C5orf52: variants seen among roughly 807,000 people sequenced by gnomAD.
The protein encoded by C5orf52 is chromosome 5 open reading frame 52, also known as uncharacterized protein C5orf52.
A neutral mutation model predicts 16.8 loss-of-function variants in C5orf52; 15 were observed. That is an observed-to-expected ratio of 0.89 (90% CI 0.60 to 1.38). C5orf52 has a LOEUF of 1.38. Ranked by LOEUF, C5orf52 falls within the 40% of genes most tolerant of loss-of-function variation. The pLI, the probability that C5orf52 is intolerant of heterozygous loss-of-function variation, is 0.00. For missense variants in C5orf52, 206 were observed against 213.1 expected, an observed-to-expected ratio of 0.97 and a Z score of 0.21; for synonymous variants, 83 against 87.2, an observed-to-expected ratio of 0.95 and a Z score of 0.27.
intron 1 of C5orf52, among the ~76,000 whole-genome samples, chr5:157,673,199 C>T (rs563466242): frequency 7.7e-4 from 117 of 151,848 alleles, no homozygotes; most frequent in African/African-American, 2.8e-3. Context: ...ATTAGCCGGG[C>T]ATGGTGGCTG....
chr5:157,679,794 C>T, intron 2 of C5orf52, 47 bp from the exon 3 acceptor site: 1 of 1,509,920 alleles, frequency 6.6e-7, no homozygotes, highest in Non-Finnish European at 8.9e-7. Flanking sequence ...ATCCTAATCT[C>T]ACCTCTTTAG....
intron 2 of C5orf52, among the ~76,000 whole-genome samples, chr5:157,677,778 G>C (rs1015576275): frequency 1.3e-5 from 2 of 152,070 alleles, no homozygotes; most frequent in African/African-American, 4.8e-5. Context: ...GAGGTCGGGA[G>C]TTTGAGACCA....
intron 1 of C5orf52, 76 bp from the exon 2 acceptor site, chr5:157,675,016 C>A: frequency 1.1e-6 from 1 of 914,226 alleles, no homozygotes; most frequent in Non-Finnish European, 1.7e-6. Flanking sequence ...GCCACTCCCT[C>A]AGGACCCCAT....
chr5:157,679,871 A>G lies in C5orf52; in HGVS notation c.352A>G (p.Ile118Val). The G allele has an allele frequency of 1.3e-6, 2 of 1,551,460 alleles. No homozygotes were observed. Among genetic ancestry groups the G allele is most frequent in the Non-Finnish European group, 1.7e-6 (2 of 1,146,936 alleles). The change falls in exon 3 of 3, where the codon ATC becomes GTC. Residue 118 changes from isoleucine (I) to valine (V), a missense_variant. By Grantham distance (29) the Ile-to-Val change is conservative. Coordinates refer to ENST00000409999, the MANE Select transcript of C5orf52 (RefSeq NM_001145132.2). ...CGCTTTAGAGAAGACCAAGAAAAAG[A>G]TCAGCCACTACTATGAACACCTGAA... ...VSALEKTKKK[I>V]SHYYEHLKKK...
At chr5:157,676,046 G>C (rs1759887995) in intron 2 of C5orf52, among the ~76,000 whole-genome samples, 1 of 152,096 alleles carries the variant, frequency 6.6e-6, no homozygotes, top group Admixed American at 6.6e-5. Flanking sequence ...TTCAAGCAGA[G>C]CAGGGTGCCC....
chr5:157,671,494 A>C (rs934494975), upstream of C5orf52: 1 of 788,504 alleles, frequency 1.3e-6, no homozygotes, highest in Non-Finnish European at 2.0e-6. Flanking sequence ...TCTCCCAGGC[A>C]ACGCGCCGCG....
At chr5:157,673,547 TG>T (rs1759836537) in intron 1 of C5orf52, among the ~76,000 whole-genome samples, 1 of 152,192 alleles carries the variant, frequency 6.6e-6, no homozygotes, top group South Asian at 2.1e-4. Context: ...ACACCACCCG[TG>T]TCTATGTTTC....
intron 2 of C5orf52, among the ~76,000 whole-genome samples, chr5:157,679,007 G>T (rs535558347): frequency 6.6e-6 from 1 of 152,006 alleles, no homozygotes; most frequent in East Asian, 2.0e-4. Context: ...GGTGGCGGGC[G>T]CATGTAGTCC....
At chr5:157,679,716 A>G (rs892652963) in intron 2 of C5orf52, 125 bp from the exon 3 acceptor site, 8 of 836,918 alleles carry the variant, frequency 9.6e-6, no homozygotes, top group African/African-American at 5.2e-5. Flanking sequence ...TGGAATGTAC[A>G]TAGGGTCCAG....
upstream of C5orf52, chr5:157,671,413 C>T: frequency 3.4e-6 from 2 of 580,944 alleles, no homozygotes; most frequent in South Asian, 2.2e-5. Context: ...ACAATATTAC[C>T]GCGTCCGTGG....
upstream of C5orf52, chr5:157,671,492 G>GC: frequency 1.3e-6 from 1 of 764,104 alleles, no homozygotes; most frequent in Middle Eastern, 2.8e-4. Context: ...TGTCTCCCAG[G>GC]CAACGCGCCG....
chr5:157,671,626 G>T lies in C5orf52; in HGVS notation c.12G>T (p.Pro4=). 6.5e-7 allele frequency: 1 copy of T among 1,549,698 alleles called. No homozygotes were observed. The highest frequency in any genetic ancestry group is 8.7e-7 in the Non-Finnish European group (1 of 1,146,012). MTQ[P]TRPSVTCDQG... Reference sequence around the variant, plus strand: ...ACAGGGAAGCCGCAATGACACAGCCGACTAGGCCCTCGGTCACCTGTGACC... The same window carrying T: ...ACAGGGAAGCCGCAATGACACAGCCTACTAGGCCCTCGGTCACCTGTGACC... Residue 4 remains proline (P), a synonymous_variant, in exon 1 of 3, where the codon CCG becomes CCT. Coordinates refer to ENST00000409999, the MANE Select transcript of C5orf52 (RefSeq NM_001145132.2).
intron 2 of C5orf52, among the ~76,000 whole-genome samples, chr5:157,678,866 G>T (rs1759955988): frequency 6.6e-6 from 1 of 152,086 alleles, no homozygotes; most frequent in African/African-American, 2.4e-5. Context: ...CGGGCACGGT[G>T]GTTCATGCCT....
chr5:157,676,063 G>C (rs1759888367), intron 2 of C5orf52, among the ~76,000 whole-genome samples: 1 of 152,050 alleles, frequency 6.6e-6, no homozygotes, highest in Admixed American at 6.6e-5. Flanking sequence ...GCCCAGGGTT[G>C]AGCTGCTGCC....
chr5:157,673,546 G>A (rs1007661321), intron 1 of C5orf52, among the ~76,000 whole-genome samples: 11 of 151,816 alleles, frequency 7.2e-5, no homozygotes, highest in Non-Finnish European at 1.5e-4. Context: ...TACACCACCC[G>A]TGTCTATGTT....
At chr5:157,673,210 G>A (rs1759830437) in intron 1 of C5orf52, among the ~76,000 whole-genome samples, 1 of 151,880 alleles carries the variant, frequency 6.6e-6, no homozygotes, top group African/African-American at 2.4e-5. Flanking sequence ...ATGGTGGCTG[G>A]CCTGTGGTCC....
At chr5:157,676,757 G>A (rs4094449) in intron 2 of C5orf52, among the ~76,000 whole-genome samples, 11,286 of 152,244 alleles carry the variant, frequency 0.074, 1,432 homozygotes, top group African/African-American at 0.26. Context: ...GATGGATAGG[G>A]CAGAGTCGCC....
chr5:157,678,509 T>C (rs1395278162), intron 2 of C5orf52, among the ~76,000 whole-genome samples: 2 of 152,214 alleles, frequency 1.3e-5, no homozygotes, highest in East Asian at 3.9e-4. Context: ...CAGGCTGAAG[T>C]GCAGTGGCAT....
At chr5:157,675,053 C>T (rs1236635275) in intron 1 of C5orf52, 39 bp from the exon 2 acceptor site, 1 of 1,382,178 alleles carries the variant, frequency 7.2e-7, no homozygotes. Flanking sequence ...CAGGCCCCAA[C>T]CGTCTGTAAC....
Sources: gnomAD v4.1 joint callset for allele counts (sites outside exome capture counted in the v4.1 genomes callset) on GRCh38, gnomAD v4.1.1 for gene constraint, MANE v1.5 for transcripts, NCBI Gene and HGNC (gene_info 2026-07-23, HGNC 2026-07-21) for gene names.